SATB1: variants seen among roughly 807,000 people sequenced by gnomAD.
SATB1 encodes SATB homeobox 1.
Under a neutral mutation model 86.9 loss-of-function variants are expected in SATB1, and 11 were observed. That is an observed-to-expected ratio of 0.13 (90% CI 0.08 to 0.21). SATB1 has a LOEUF of 0.21. Ranked by LOEUF, SATB1 falls within the 10% of genes least tolerant of loss-of-function variation. SATB1 has a pLI of 1.00. For missense variants in SATB1, 551 were observed against 937.6 expected (o/e 0.59, Z 5.39); for synonymous variants, 357 against 357.2 (o/e 1.00, Z 0.01).
At chr3:18,399,538 G>A (rs1469314913) in intron 5 of SATB1, among the ~76,000 whole-genome samples, 2 of 152,272 alleles carry the variant, frequency 1.3e-5, no homozygotes, top group African/African-American at 4.8e-5. Context: ...ATATGTAATA[G>A]TGCTATACAG....
At chr3:18,398,546 A>G (rs1244559297) in intron 5 of SATB1, among the ~76,000 whole-genome samples, 1 of 152,176 alleles carries the variant, frequency 6.6e-6, no homozygotes, top group Non-Finnish European at 1.5e-5. Flanking sequence ...TCTAATGTAA[A>G]GCTCTTTCAG....
At chr3:18,415,035 A>G (rs1420550466) in intron 5 of SATB1, 76 bp downstream of exon 5, 1 of 1,556,434 alleles carries the variant, frequency 6.4e-7, no homozygotes, top group East Asian at 2.3e-5. Flanking sequence ...GTTGCTTTAA[A>G]CCAGGGAGCT....
At chr3:18,357,401 C>T (rs1314810831) in intron 9 of SATB1, among the ~76,000 whole-genome samples, 1 of 151,798 alleles carries the variant, frequency 6.6e-6, no homozygotes, top group Non-Finnish European at 1.5e-5. Flanking sequence ...TGAATGAGTA[C>T]ATTTTCAACA....
chr3:18,422,867 C>T (rs143096797), intron 1 of SATB1, among the ~76,000 whole-genome samples: 3 of 152,276 alleles, frequency 2.0e-5, no homozygotes, highest in South Asian at 4.1e-4. Flanking sequence ...ACACTAGAAA[C>T]TGTACAGCAA....
rs1246615779 is a variant in SATB1, at chr3:18,443,759, G to T, written c.-25+1759C>A. On this transcript the variant is annotated intron_variant, in intron 1 of 3. Coordinates refer to the SATB1 transcript ENST00000415069. This position sits in a 1 kb window ranked among gnomAD's most constrained non-coding sequence, Gnocchi z 4.4. ...GCAATAGGAAAAGGCCACCGCGCTC[G>T]GGTCTGGACAGCAGGAGGGAAACAC... Among the ~76,000 whole-genome samples, 1 of 152,170 alleles carries T rather than the reference G, an allele frequency of 6.6e-6. No homozygotes were observed. The highest frequency in any genetic ancestry group is 2.4e-5 in the African/African-American group (1 of 41,430).
rs140283062 is a variant in SATB1 at position 18,400,866 on chromosome 3, T to C, written c.640-3576A>G. 6.9e-3 allele frequency among the ~76,000 whole-genome samples: 1,052 copies of C among 152,302 alleles called. 8 individuals carry two copies. Among genetic ancestry groups the C allele is most frequent in the Non-Finnish European group, 0.012 (847 of 68,022 alleles). ...CTGATTAAATTATTAAGTTACAAGT[T>C]GGTACAAGGAATAGTAAAGGAAAAC... On this transcript the variant is annotated intron_variant, in intron 5 of 10. Transcript: ENST00000338745.
At chr3:18,375,937 G>T (rs1207494360) in intron 9 of SATB1, among the ~76,000 whole-genome samples, 2 of 152,114 alleles carry the variant, frequency 1.3e-5, no homozygotes, top group African/African-American at 4.8e-5. Context: ...TGGCCCCTTT[G>T]ATTTTCTCTT....
rs752755275 is a variant in SATB1, at chr3:18,349,538, G to A, written c.1924C>T (p.Arg642Ter). The change falls in exon 11 of 11, where the codon CGA becomes TGA. Residue 642 changes from arginine (R) to a stop codon, truncating the protein, a stop_gained. Transcript: ENST00000338745. LOFTEE classifies it high-confidence loss of function. This position sits in a 1 kb window ranked among gnomAD's most constrained non-coding sequence, Gnocchi z 5.5. ...ASPAESDEEN[R>*]QKTRPRTKIS... ...TTTGTTCGTGGCCGGGTCTTCTGTC[G>A]GTTTTCCTCATCTGACTCTGCTGGA... 1 of 1,614,040 alleles carries A rather than the reference G, an allele frequency of 6.2e-7. No individual in the cohort carries two copies. The highest frequency in any genetic ancestry group is 8.5e-7 in the Non-Finnish European group (1 of 1,180,002).
intron 5 of SATB1, among the ~76,000 whole-genome samples, chr3:18,404,273 C>A (rs1014463281): frequency 4.6e-5 from 7 of 152,030 alleles, no homozygotes; most frequent in African/African-American, 1.7e-4. Flanking sequence ...TTTCCCAAAT[C>A]TTTCCCTCTG....
intron 2 of SATB1, among the ~76,000 whole-genome samples, chr3:18,435,678 T>G (rs1699034818): frequency 6.6e-6 from 1 of 151,974 alleles, no homozygotes; most frequent in Non-Finnish European, 1.5e-5. Context: ...AATCTACAGA[T>G]AGAGAATCAT....
chr3:18,428,082 T>C (rs541685843), upstream of SATB1, among the ~76,000 whole-genome samples: 2 of 152,308 alleles, frequency 1.3e-5, no homozygotes, highest in South Asian at 2.1e-4. Context: ...CTGTTCCTTA[T>C]AACAGAATAC....
intron 8 of SATB1, among the ~76,000 whole-genome samples, chr3:18,379,355 TA>T (rs1170684117): frequency 2.6e-5 from 4 of 152,134 alleles, no homozygotes; most frequent in African/African-American, 7.2e-5. Context: ...GATGAAAATA[TA>T]AATGAAAAAT....
rs1694055111 is a variant in SATB1, at chr3:18,346,315, C to A, written c.*2855G>T. The stretch of plus-strand genomic sequence containing the variant: ...CACAAGGTTGAATATTACCCGTAAA[C>A]TACCTGACTCTGCTAAGGTCTTAAC... On this transcript the variant is annotated 3_prime_UTR_variant, in exon 11 of 11. Coordinates refer to ENST00000338745, the MANE Select transcript of SATB1 (RefSeq NM_002971.6). 1 of 152,102 alleles carries A rather than the reference C, an allele frequency of 6.6e-6. No individual in the cohort carries two copies. The highest frequency in any genetic ancestry group is 2.4e-5 in the African/African-American group (1 of 41,448). The allele number at this position is 152,102 out of a possible 1,614,324, so 9.4% of individuals were successfully genotyped here.
rs1455508755 is a variant in SATB1, at chr3:18,349,602, T to C, written c.1860A>G (p.Thr620=). ...GTTGCCGTGGGGGGAGCCGAGGGCCTGTCTGTGGCTGCTGCTGTGGCTGTG... is the reference window on the plus strand; with the variant it reads ...GTTGCCGTGGGGGGAGCCGAGGGCCCGTCTGTGGCTGCTGCTGTGGCTGTG... ...PPPQPQQQPQ[T]GPRLPPRQPT... The change falls in exon 11 of 11, where the codon ACA becomes ACG. Residue 620 remains threonine (T), a synonymous_variant. Coordinates refer to ENST00000338745, the MANE Select transcript of SATB1 (RefSeq NM_002971.6). This position sits in a 1 kb window ranked among gnomAD's most constrained non-coding sequence, Gnocchi z 5.5. The C allele has an allele frequency of 1.2e-6, 2 of 1,613,574 alleles. No homozygotes were observed. The highest frequency in any genetic ancestry group is 1.3e-5 in the African/African-American group (1 of 75,024).
Position 18,396,063 on chromosome 3 carries a change from T to C in SATB1, c.751+1116A>G, listed in dbSNP as rs565792516. Among the ~76,000 whole-genome samples the C allele has an allele frequency of 2.6e-5, 4 of 152,306 alleles. No homozygotes were observed. The South Asian group carries it at 8.3e-4, about 32-fold the overall frequency. ...GCTCCTGATATACGCAAAATATAAC[T>C]AAGAATTGGGGAAGAAATCTTCAAT... On this transcript the variant is annotated intron_variant, in intron 6 of 10. Coordinates refer to ENST00000338745, the MANE Select transcript of SATB1 (RefSeq NM_002971.6).
At chr3:18,403,878 T>G (rs1317910809) in intron 5 of SATB1, among the ~76,000 whole-genome samples, 3 of 152,070 alleles carry the variant, frequency 2.0e-5, no homozygotes, top group Admixed American at 6.6e-5. Context: ...GAAGTTCAAC[T>G]TCATACATTC....
intron 5 of SATB1, among the ~76,000 whole-genome samples, chr3:18,400,143 T>G (rs750931032): frequency 1.3e-5 from 2 of 152,268 alleles, no homozygotes; most frequent in East Asian, 3.9e-4. Flanking sequence ...AAGTCATGAT[T>G]GGTAAAATTT....
upstream of SATB1, among the ~76,000 whole-genome samples, chr3:18,441,774 G>A (rs1699249772): frequency 6.6e-6 from 1 of 152,116 alleles, no homozygotes; most frequent in Admixed American, 6.5e-5. Flanking sequence ...TCCACAACCT[G>A]TCATATGAAA....
intron 2 of SATB1, among the ~76,000 whole-genome samples, chr3:18,432,649 C>T (rs1003138109): frequency 6.6e-6 from 1 of 151,782 alleles, no homozygotes; most frequent in African/African-American, 2.4e-5. Flanking sequence ...AAAACTAAAG[C>T]ACATTGTATT....
Sources: allele counts gnomAD v4.1 joint callset (sites outside exome capture counted in the v4.1 genomes callset), GRCh38; gene constraint gnomAD v4.1.1; non-coding constraint Gnocchi (gnomAD v3.1); transcripts MANE v1.5; gene names NCBI Gene and HGNC (gene_info 2026-07-23, HGNC 2026-07-21).